C1QTNF1: variants seen among roughly 807,000 people sequenced by gnomAD.
C1QTNF1 encodes the protein C1q and TNF related 1.
Under a neutral mutation model 27.8 loss-of-function variants are expected in C1QTNF1, and 22 were observed. That is an observed-to-expected ratio of 0.79 (90% CI 0.56 to 1.13). C1QTNF1 has a LOEUF of 1.13. Ranked by LOEUF, C1QTNF1 falls within the 50% of genes most tolerant of loss-of-function variation. The pLI is 0.00. For synonymous variants in C1QTNF1, 166 were observed against 154.3 expected (o/e 1.08, Z -0.56); for missense variants, 373 against 380.2 (o/e 0.98, Z 0.16).
At chr17:79,024,794 T>C (rs2071885217) in intron 1 of C1QTNF1, 2 of 152,400 alleles carry the variant, frequency 1.3e-5, no homozygotes, top group African/African-American at 4.8e-5. Flanking sequence ...ACGGGAGGAA[T>C]TGCACCTTCC....
chr17:79,041,365 C>G (rs909302425), intron 1 of C1QTNF1, among the ~76,000 whole-genome samples: 1 of 152,186 alleles, frequency 6.6e-6, no homozygotes, highest in Non-Finnish European at 1.5e-5. Flanking sequence ...GGGGGGCCAG[C>G]CTTGCTCTCC....
chr17:79,047,280 A>T (rs1027652895), intron 3 of C1QTNF1: 1 of 391,776 alleles, frequency 2.6e-6, no homozygotes, highest in African/African-American at 2.1e-5. Flanking sequence ...AGGAAAAAAA[A>T]ATTATTGCTT....
chr17:79,039,416 G>A (rs772778442), intron 1 of C1QTNF1, among the ~76,000 whole-genome samples: 3 of 151,784 alleles, frequency 2.0e-5, no homozygotes, highest in Non-Finnish European at 2.9e-5. Flanking sequence ...TTGGGAGGCC[G>A]AGGCAGATGG....
rs1193079957 is a variant in C1QTNF1 at position 79,046,952 on chromosome 17, G to A, written c.295+258G>A. 5.7e-6 allele frequency: 3 copies of A among 524,534 alleles called. No individual in the cohort carries two copies. Among genetic ancestry groups the A allele is most frequent in the Non-Finnish European group, 1.0e-5 (3 of 296,440 alleles). The allele number at this position is 524,534 out of a possible 1,614,324, so 32.5% of individuals were successfully genotyped here. A position where few individuals can be genotyped will look rare whatever the true frequency, so the allele number is the denominator to read the frequency against. ...AGGAGAGGGAGCCCAGAGGCTACTCGGGGTCTCGTCCCTCCAGTTGTATGT... is the reference window on the plus strand; with the variant it reads ...AGGAGAGGGAGCCCAGAGGCTACTCAGGGTCTCGTCCCTCCAGTTGTATGT... On this transcript the variant is annotated intron_variant, in intron 3 of 3. Coordinates refer to ENST00000579760, the MANE Select transcript of C1QTNF1 (RefSeq NM_030968.5). The surrounding 1 kb of genome is among the most constrained non-coding windows in gnomAD (Gnocchi z 4.8).
At position 79,035,386 on chromosome 17, in the gene C1QTNF1, G is replaced by A. The variant is rs556689554; in HGVS notation, c.-14-8569G>A. Among the ~76,000 whole-genome samples, 109 of 152,110 alleles carry A rather than the reference G, an allele frequency of 7.2e-4. 1 individual carries two copies. The highest frequency in any genetic ancestry group is 2.4e-3 in the African/African-American group (99 of 41,496). ...AAGGGGTGGTGATGGCTAAGGGGCCGTTGAGGCTGTGTAGAAACCAGGAGT... is the reference window on the plus strand; with the variant it reads ...AAGGGGTGGTGATGGCTAAGGGGCCATTGAGGCTGTGTAGAAACCAGGAGT... On this transcript the variant is annotated intron_variant, in intron 1 of 3. Transcript: ENST00000579760.
chr17:79,048,017 A>G lies in C1QTNF1; in HGVS notation c.775A>G (p.Ile259Val). ...CTACAAGGGCGAACGTGAGAACGCC[A>G]TCTTCAGCGAGGAGCTGGACACCTA... is the stretch of plus-strand genomic sequence containing the variant. ...RLYKGERENA[I>V]FSEELDTYIT... Residue 259 changes from isoleucine to valine, a missense_variant, in exon 4 of 4, where the codon ATC becomes GTC. Transcript: ENST00000579760. 1.2e-6 allele frequency: 2 copies of G among 1,607,432 alleles called. No individual in the cohort carries two copies. Among genetic ancestry groups the G allele is most frequent in the South Asian group, 1.1e-5 (1 of 90,730 alleles).
At chr17:79,044,177 C>T in intron 2 of C1QTNF1, 54 bp downstream of exon 2, 1 of 1,501,870 alleles carries the variant, frequency 6.7e-7, no homozygotes, top group Non-Finnish European at 8.9e-7. Context: ...CCAGGCTGAG[C>T]CTGGGCCTTG....
intron 2 of C1QTNF1, among the ~76,000 whole-genome samples, chr17:79,044,837 G>A (rs2072525440): frequency 6.6e-6 from 1 of 152,202 alleles, no homozygotes; most frequent in Non-Finnish European, 1.5e-5. Context: ...CTTGATACTT[G>A]AGGCTTCAGA....
intron 1 of C1QTNF1, among the ~76,000 whole-genome samples, chr17:79,029,813 T>C (rs1486573692): frequency 6.6e-6 from 1 of 152,138 alleles, no homozygotes; most frequent in Non-Finnish European, 1.5e-5. Context: ...CTGGGCTCCC[T>C]ACCACCTGTG....
intron 1 of C1QTNF1, among the ~76,000 whole-genome samples, chr17:79,033,692 G>A (rs1208164554): frequency 3.3e-5 from 5 of 151,964 alleles, no homozygotes; most frequent in Admixed American, 2.6e-4. Flanking sequence ...GGTGACAGGA[G>A]ACCCTGTCTC....
chr17:79,048,136 T>TGCTGACCCCAGGGCTAAGCACCAG lies in C1QTNF1; in HGVS notation c.*58_*59insGGGCTAAGCACCAGGCTGACCCCA. On this transcript the variant is annotated 3_prime_UTR_variant, in exon 4 of 4. Coordinates refer to ENST00000579760, the MANE Select transcript of C1QTNF1 (RefSeq NM_030968.5). ...CTCGCCACCTTCCACCCCTGCGCTGTGCTGACCCCACCGCCTCTTCCCCGA... is the reference window on the plus strand; with the variant it reads ...CTCGCCACCTTCCACCCCTGCGCTGTGCTGACCCCAGGGCTAAGCACCAGGCTGACCCCACCGCCTCTTCCCCGA... 1 of 1,449,312 alleles carries TGCTGACCCCAGGGCTAAGCACCAG rather than the reference T, an allele frequency of 6.9e-7. No homozygotes were observed. The highest frequency in any genetic ancestry group is 9.1e-7 in the Non-Finnish European group (1 of 1,101,966). 89.8% of individuals were successfully genotyped at this position (1,449,312 alleles called of 1,614,324 possible).
chr17:79,047,426 A>G, intron 3 of C1QTNF1, 112 bp from the exon 4 acceptor site: 1 of 1,105,260 alleles, frequency 9.0e-7, no homozygotes. Flanking sequence ...CTGCCAGGTC[A>G]GGGCTGTGAG....
At chr17:79,045,573 G>C (rs755256127) in intron 2 of C1QTNF1, among the ~76,000 whole-genome samples, 6 of 152,174 alleles carry the variant, frequency 3.9e-5, no homozygotes, top group Non-Finnish European at 8.8e-5. Context: ...TGGGAGCCCA[G>C]GACTCTGCTG....
At chr17:79,029,468 C>CTA (rs1019929144) in intron 1 of C1QTNF1, among the ~76,000 whole-genome samples, 3 of 152,184 alleles carry the variant, frequency 2.0e-5, no homozygotes, top group African/African-American at 4.8e-5. Flanking sequence ...ATCAAGCTTT[C>CTA]TAAGGATCAA....
chr17:79,047,468 G>T, intron 3 of C1QTNF1, 70 bp from the exon 4 acceptor site: 4 of 1,431,944 alleles, frequency 2.8e-6, no homozygotes, highest in Non-Finnish European at 3.8e-6. Context: ...GGACCGGAGA[G>T]TGAGCAGCCA....
intron 2 of C1QTNF1, among the ~76,000 whole-genome samples, chr17:79,044,936 T>C (rs1202045990): frequency 6.6e-6 from 1 of 152,208 alleles, no homozygotes; most frequent in Non-Finnish European, 1.5e-5. Flanking sequence ...CTTTCTTTGA[T>C]TGAGCCCCTC....
At chr17:79,040,369 G>A (rs1360005663) in intron 1 of C1QTNF1, among the ~76,000 whole-genome samples, 1 of 152,200 alleles carries the variant, frequency 6.6e-6, no homozygotes, top group Middle Eastern at 3.2e-3. Context: ...AGAGGTTGAG[G>A]TGGGCAGATG....
chr17:79,044,899 A>G (rs1049258522), intron 2 of C1QTNF1, among the ~76,000 whole-genome samples: 42 of 152,178 alleles, frequency 2.8e-4, no homozygotes, highest in African/African-American at 1.0e-3. Context: ...GAGTCACATC[A>G]TTCCGTTCTT....
intron 1 of C1QTNF1, among the ~76,000 whole-genome samples, chr17:79,036,114 GC>G (rs2072259107): frequency 6.6e-6 from 1 of 152,202 alleles, no homozygotes; most frequent in Non-Finnish European, 1.5e-5. Flanking sequence ...AAAACTTTCT[GC>G]AATGATTGAA....
Sources: gnomAD v4.1 joint callset for allele counts (sites outside exome capture counted in the v4.1 genomes callset) on GRCh38, gnomAD v4.1.1 for gene constraint, Gnocchi (gnomAD v3.1) non-coding constraint, MANE v1.5 for transcripts, NCBI Gene and HGNC (gene_info 2026-07-23, HGNC 2026-07-21) for gene names.